The following FAF1 variants were observed in gnomAD, a reference collection of about 807,000 sequenced individuals.
FAF1 encodes the protein FAS-associated factor 1.
FAF1 carries 25 observed loss-of-function variants against 92.5 expected under a neutral mutation model. The observed-to-expected ratio is 0.27, with a 90% confidence interval of 0.20 to 0.38. The LOEUF (loss-of-function observed/expected upper bound fraction) is 0.38, where lower values mean the gene tolerates loss of function less well. Ranked by LOEUF, FAF1 falls within the 10% of genes least tolerant of loss-of-function variation. FAF1 has a pLI of 1.00. For missense variants in FAF1, 636 were observed against 793.3 expected (o/e 0.80, Z 2.38); for synonymous variants, 234 against 273.2 (o/e 0.86, Z 1.42).
At chr1:50,661,354 T>C (rs1655367662) in intron 7 of FAF1, among the ~76,000 whole-genome samples, 2 of 152,186 alleles carry the variant, frequency 1.3e-5, no homozygotes, top group African/African-American at 4.8e-5. Flanking sequence ...ATTTAAAATT[T>C]TTTGAAATCT....
intron 15 of FAF1, among the ~76,000 whole-genome samples, chr1:50,523,695 A>G (rs1647630070): frequency 6.6e-6 from 1 of 152,068 alleles, no homozygotes; most frequent in South Asian, 2.1e-4. Context: ...TGATTTGCAA[A>G]TATTTTCTTC....
chr1:50,870,897 GA>G (rs1644522119), intron 1 of FAF1, among the ~76,000 whole-genome samples: 1 of 152,176 alleles, frequency 6.6e-6, no homozygotes, highest in Admixed American at 6.5e-5. Context: ...TAATGAGAAA[GA>G]AATGTTGAAA....
At chr1:50,659,594 T>A (rs1388306389) in intron 7 of FAF1, among the ~76,000 whole-genome samples, 1 of 152,224 alleles carries the variant, frequency 6.6e-6, no homozygotes, top group Non-Finnish European at 1.5e-5. Flanking sequence ...TTACACATTT[T>A]TTTTTTGATC....
intron 7 of FAF1, among the ~76,000 whole-genome samples, chr1:50,658,499 T>C (rs1388385270): frequency 6.6e-6 from 1 of 152,240 alleles, no homozygotes. Context: ...CATCTGTAAC[T>C]GCACTGAATT....
intron 1 of FAF1, among the ~76,000 whole-genome samples, chr1:50,893,795 G>A (rs1463251416): frequency 6.6e-6 from 1 of 152,180 alleles, no homozygotes; most frequent in African/African-American, 2.4e-5. Context: ...TTCCCCCTAG[G>A]CCTTAGGGCA....
At chr1:50,927,809 C>T (rs1482521249) in intron 1 of FAF1, among the ~76,000 whole-genome samples, 3 of 152,144 alleles carry the variant, frequency 2.0e-5, no homozygotes, top group African/African-American at 7.2e-5. Context: ...CTCTTCTTGG[C>T]TTGTTGATGG....
chr1:50,925,406 C>A (rs1296315322), intron 1 of FAF1, among the ~76,000 whole-genome samples: 1 of 151,784 alleles, frequency 6.6e-6, no homozygotes, highest in Non-Finnish European at 1.5e-5. Context: ...ACTTACAAAT[C>A]GTTTGACTAA....
At chr1:50,809,511 C>T (rs961071193) in intron 2 of FAF1, among the ~76,000 whole-genome samples, 1 of 151,020 alleles carries the variant, frequency 6.6e-6, no homozygotes, top group African/African-American at 2.5e-5. Context: ...GGCTAGAAAA[C>T]GTAGAAAAAA....
intron 7 of FAF1, among the ~76,000 whole-genome samples, chr1:50,682,642 A>G (rs1176223924): frequency 6.6e-6 from 1 of 152,218 alleles, no homozygotes; most frequent in Non-Finnish European, 1.5e-5. Flanking sequence ...ACAAAAGTAA[A>G]TCTGCTATAT....
At position 50,831,509 on chromosome 1, in the gene FAF1, G is replaced by A. The variant is rs112166930; in HGVS notation, c.114+26420C>T. Among the ~76,000 whole-genome samples the A allele has an allele frequency of 3.0e-3, 462 of 152,222 alleles. 4 individuals carry two copies. Among genetic ancestry groups the A allele is most frequent in the African/African-American group, 0.01 (432 of 41,518 alleles). On this transcript the variant is annotated intron_variant, in intron 2 of 18. Coordinates refer to ENST00000396153, the MANE Select transcript of FAF1 (RefSeq NM_007051.3). ...CTTAAGAGCAAAGAATATATCTGCCGTCTTTCTCTACACCGTCCCCTTGTA... is the reference window on the plus strand; with the variant it reads ...CTTAAGAGCAAAGAATATATCTGCCATCTTTCTCTACACCGTCCCCTTGTA...
intron 3 of FAF1, among the ~76,000 whole-genome samples, chr1:50,798,399 C>T (rs1661846197): frequency 6.6e-6 from 1 of 152,184 alleles, no homozygotes; most frequent in South Asian, 2.1e-4. Flanking sequence ...ATAAAGTTTA[C>T]TTTTAGAAAA....
At chr1:50,618,517 C>A (rs111609856) in intron 8 of FAF1, among the ~76,000 whole-genome samples, 1 of 148,516 alleles carries the variant, frequency 6.7e-6, no homozygotes, top group Non-Finnish European at 1.5e-5. Context: ...GCTGCCTCGG[C>A]CTCCCAAAGT....
intron 1 of FAF1, among the ~76,000 whole-genome samples, chr1:50,931,174 T>C (rs1391705221): frequency 6.6e-6 from 1 of 152,238 alleles, no homozygotes; most frequent in Non-Finnish European, 1.5e-5. Flanking sequence ...ATTACTGATA[T>C]GGCAGTAGTT....
At chr1:50,709,501 T>C (rs532469809) in intron 6 of FAF1, among the ~76,000 whole-genome samples, 25 of 152,356 alleles carry the variant, frequency 1.6e-4, no homozygotes, top group African/African-American at 6.0e-4. Flanking sequence ...CTACTGATTA[T>C]CATTTTTTTA....
chr1:50,575,867 T>C (rs966267604), intron 12 of FAF1, among the ~76,000 whole-genome samples: 11 of 152,260 alleles, frequency 7.2e-5, no homozygotes, highest in Non-Finnish European at 1.2e-4. Context: ...ATAGAACTTA[T>C]TTTTCTTAAA....
chr1:50,681,148 A>G (rs1656403415), intron 7 of FAF1, among the ~76,000 whole-genome samples: 1 of 152,032 alleles, frequency 6.6e-6, no homozygotes, highest in Non-Finnish European at 1.5e-5. Flanking sequence ...CCAGGTTCAA[A>G]TGATTCTTCT....
intron 2 of FAF1, among the ~76,000 whole-genome samples, chr1:50,815,104 T>A (rs1235375708): frequency 6.6e-6 from 1 of 152,346 alleles, no homozygotes; most frequent in Non-Finnish European, 1.5e-5. Flanking sequence ...ATAATTATTT[T>A]AGATTCCGGG....
At chr1:50,485,889 C>T (rs946854845) in intron 17 of FAF1, among the ~76,000 whole-genome samples, 2 of 151,806 alleles carry the variant, frequency 1.3e-5, no homozygotes, top group African/African-American at 4.8e-5. Context: ...GGAGGAAGTG[C>T]CACATTTTTA....
Position 50,437,277 on chromosome 1 carries a change from T to C in FAF1, c.*4163A>G, listed in dbSNP as rs1321368071. The C allele has an allele frequency of 6.6e-6, 1 of 152,158 alleles. No individual in the cohort carries two copies. Among genetic ancestry groups the C allele is most frequent in the Non-Finnish European group, 1.5e-5 (1 of 68,024 alleles). The allele number at this position is 152,158 out of a possible 1,614,324, so 9.4% of individuals were successfully genotyped here. On this transcript the variant is annotated 3_prime_UTR_variant, in exon 19 of 19. Transcript: ENST00000396153. The stretch of plus-strand genomic sequence containing the variant: ...GAATGGACAGATTCTTCTCCCCAAA[T>C]AGGATGACGTAAATGGTGATTCTTA...
Sources: gnomAD v4.1 joint callset for allele counts (sites outside exome capture counted in the v4.1 genomes callset) on GRCh38, gnomAD v4.1.1 for gene constraint, MANE v1.5 for transcripts, NCBI Gene and HGNC (gene_info 2026-07-23, HGNC 2026-07-21) for gene names.